The following KCNH1 variants were observed in gnomAD, a reference collection of about 807,000 sequenced individuals.
KCNH1 encodes the protein potassium voltage-gated channel subfamily H member 1, also known as voltage-gated delayed rectifier potassium channel KCNH1.
Under a neutral mutation model 69.2 loss-of-function variants are expected in KCNH1, and 27 were observed. That is an observed-to-expected ratio of 0.39 (90% CI 0.29 to 0.54). The LOEUF is 0.54. Ranked by LOEUF, KCNH1 falls within the 20% of genes least tolerant of loss-of-function variation. The probability of loss-of-function intolerance (pLI) is 0.68; values close to 1 mark genes in which losing one functional copy is unlikely to be tolerated. For synonymous variants in KCNH1, 456 were observed against 487.7 expected (o/e 0.93, Z 0.86); for missense variants, 798 against 1,261.6 (o/e 0.63, Z 5.57).
At chr1:210,732,675 G>A (rs991491896) in intron 10 of KCNH1, among the ~76,000 whole-genome samples, 7 of 152,214 alleles carry the variant, frequency 4.6e-5, no homozygotes, top group Non-Finnish European at 8.8e-5. Flanking sequence ...TCTGGAGGCT[G>A]GGAAGTCCAA....
At chr1:210,897,611 A>C (rs1009370352) in intron 7 of KCNH1, among the ~76,000 whole-genome samples, 20 of 152,290 alleles carry the variant, frequency 1.3e-4, no homozygotes, top group Middle Eastern at 6.8e-3. Context: ...AAGACAGGAT[A>C]ATTTACTGAG....
intron 7 of KCNH1, among the ~76,000 whole-genome samples, chr1:210,910,736 A>G (rs1224256364): frequency 6.6e-6 from 1 of 152,250 alleles, no homozygotes; most frequent in Non-Finnish European, 1.5e-5. Context: ...CTGTGACATA[A>G]AAGTGTTGGG....
In KCNH1 at chr1:211,122,268, A is replaced by G. The variant is rs185880476; in HGVS notation, c.79+11599T>C. Among the ~76,000 whole-genome samples the G allele has an allele frequency of 4.3e-4, 66 of 152,310 alleles. 1 individual carries two copies. The East Asian group carries it at 0.012, about 28-fold the overall frequency. ...CATCAGAGAAATGCAAATCAAAACC[A>G]CAATGAGACACTATCTCATACCAGT... On this transcript the variant is annotated intron_variant, in intron 1 of 10. Coordinates refer to ENST00000271751, the MANE Select transcript of KCNH1 (RefSeq NM_172362.3).
At chr1:210,686,345 C>T (rs957932656) in intron 10 of KCNH1, among the ~76,000 whole-genome samples, 14 of 152,314 alleles carry the variant, frequency 9.2e-5, no homozygotes, top group East Asian at 7.7e-4. Context: ...CAAGACCCAG[C>T]GCAAATGCAC....
Position 210,714,361 on chromosome 1 carries a change from A to G in KCNH1, c.2113-30223T>C, listed in dbSNP as rs1682159296. Among the ~76,000 whole-genome samples, 3 of 152,176 alleles carry G rather than the reference A, an allele frequency of 2.0e-5. No homozygotes were observed. The South Asian group carries it at 6.2e-4, about 32-fold the overall frequency. Reference sequence around the variant, plus strand: ...GGTTTATAATGATACTTGGTTTGGGATAGGTGCTCATGAAACATTTTCTTT... The same window carrying G: ...GGTTTATAATGATACTTGGTTTGGGGTAGGTGCTCATGAAACATTTTCTTT... On this transcript the variant is annotated intron_variant, in intron 10 of 10. Transcript: ENST00000271751.
rs1002357651 is a variant in KCNH1 at position 210,919,438 on chromosome 1, T to C, written c.1462+202A>G. 4 of 579,342 alleles carry C rather than the reference T, an allele frequency of 6.9e-6. No homozygotes were observed. In the African/African-American group the frequency reaches 7.5e-5, roughly 11 times the overall value. The allele number at this position is 579,342 out of a possible 1,614,324, so 35.9% of individuals were successfully genotyped here. On this transcript the variant is annotated intron_variant, in intron 7 of 10. Coordinates refer to ENST00000271751, the MANE Select transcript of KCNH1 (RefSeq NM_172362.3). The surrounding 1 kb of genome is among the most constrained non-coding windows in gnomAD (Gnocchi z 4.2). ...TTATGGATAGTCTTTACTTTCTACTTTGCACTCTTTTGTATTTTCTAAATT... is the reference window on the plus strand; with the variant it reads ...TTATGGATAGTCTTTACTTTCTACTCTGCACTCTTTTGTATTTTCTAAATT...
At chr1:210,745,133 G>A (rs1299639782) in intron 10 of KCNH1, among the ~76,000 whole-genome samples, 1 of 152,204 alleles carries the variant, frequency 6.6e-6, no homozygotes, top group Non-Finnish European at 1.5e-5. Flanking sequence ...GAACGTGGGA[G>A]GCAGAAGTTG....
chr1:210,970,150 A>G (rs1688485367), intron 6 of KCNH1, among the ~76,000 whole-genome samples: 1 of 151,646 alleles, frequency 6.6e-6, no homozygotes, highest in Non-Finnish European at 1.5e-5. Context: ...CAGAATGTGC[A>G]GGTTTGTCAC....
At chr1:210,887,764 T>G (rs987375341) in intron 7 of KCNH1, among the ~76,000 whole-genome samples, 5 of 145,098 alleles carry the variant, frequency 3.4e-5, no homozygotes, top group Admixed American at 1.4e-4. Flanking sequence ...GCAATGCTAG[T>G]CTCTGATAAA....
chr1:211,129,626 G>C (rs1407852828), intron 1 of KCNH1, among the ~76,000 whole-genome samples: 3 of 152,172 alleles, frequency 2.0e-5, no homozygotes, highest in Admixed American at 2.0e-4. Flanking sequence ...AACAAGCTCT[G>C]CTGAGCTGGT....
At chr1:210,846,066 A>G (rs1574292207) in intron 7 of KCNH1, among the ~76,000 whole-genome samples, 1 of 152,220 alleles carries the variant, frequency 6.6e-6, no homozygotes, top group Non-Finnish European at 1.5e-5. Context: ...ACCACTGCTC[A>G]ATGAAATAAA....
At chr1:210,928,776 T>C (rs1382172015) in intron 6 of KCNH1, among the ~76,000 whole-genome samples, 1 of 151,824 alleles carries the variant, frequency 6.6e-6, no homozygotes, top group Non-Finnish European at 1.5e-5. Flanking sequence ...TAGATAAAAT[T>C]GATAGACCAT....
intron 6 of KCNH1, among the ~76,000 whole-genome samples, chr1:210,943,956 G>A (rs1200361581): frequency 1.3e-5 from 2 of 152,174 alleles, no homozygotes; most frequent in East Asian, 1.9e-4. Flanking sequence ...ACTGGAAGCT[G>A]GCTTGGCTTC....
intron 7 of KCNH1, among the ~76,000 whole-genome samples, chr1:210,886,646 T>C (rs1418661039): frequency 6.6e-6 from 1 of 151,900 alleles, no homozygotes; most frequent in Non-Finnish European, 1.5e-5. Context: ...GCTAAGAACC[T>C]TGAAAAAAAG....
chr1:211,099,531 AAG>A (rs1691219228), intron 3 of KCNH1, among the ~76,000 whole-genome samples: 1 of 152,136 alleles, frequency 6.6e-6, no homozygotes, highest in African/African-American at 2.4e-5. Context: ...CAGATGTGAA[AAG>A]AAACATGAAC....
chr1:210,867,072 T>C (rs1686125831), intron 7 of KCNH1, among the ~76,000 whole-genome samples: 1 of 151,922 alleles, frequency 6.6e-6, no homozygotes, highest in African/African-American at 2.4e-5. Flanking sequence ...TAAATCTACA[T>C]TTAGAGAAAG....
intron 6 of KCNH1, among the ~76,000 whole-genome samples, chr1:211,000,045 C>T (rs983036124): frequency 5.8e-4 from 88 of 152,192 alleles, no homozygotes; most frequent in Admixed American, 3.3e-4. Context: ...GACAAACCCA[C>T]AGCCAATATC....
chr1:210,831,856 A>G (rs1243985164), intron 7 of KCNH1, among the ~76,000 whole-genome samples: 6 of 152,122 alleles, frequency 3.9e-5, no homozygotes, highest in Admixed American at 3.3e-4. Context: ...GCTTAATAGA[A>G]CTTTCTGTGA....
chr1:211,049,675 G>A (rs1349189759), intron 5 of KCNH1, among the ~76,000 whole-genome samples: 1 of 152,132 alleles, frequency 6.6e-6, no homozygotes, highest in Admixed American at 6.5e-5. Context: ...GCCTGGAAGG[G>A]GCCAGTATGG....
Sources: allele counts gnomAD v4.1 joint callset (sites outside exome capture counted in the v4.1 genomes callset), GRCh38; gene constraint gnomAD v4.1.1; non-coding constraint Gnocchi (gnomAD v3.1); transcripts MANE v1.5; gene names NCBI Gene and HGNC (gene_info 2026-07-23, HGNC 2026-07-21).